The following PLEKHM3 variants were observed in gnomAD, a reference collection of about 807,000 sequenced individuals.
The protein encoded by PLEKHM3 is pleckstrin homology domain containing M3.
A neutral mutation model predicts 81.8 loss-of-function variants in PLEKHM3; 45 were observed. The ratio of observed to expected loss-of-function variants is 0.55; its 90% CI spans 0.43 to 0.71. The LOEUF (loss-of-function observed/expected upper bound fraction) is 0.71. Among genes scored for constraint, PLEKHM3 ranks in the 30% least tolerant of loss-of-function variants. PLEKHM3 has a pLI of 0.00. For missense variants in PLEKHM3, 788 were observed against 924.3 expected (o/e 0.85, Z 1.91); for synonymous variants, 352 against 356.4 (o/e 0.99, Z 0.14).
Position 208,001,433 on chromosome 2 carries a change from C to T in PLEKHM3, c.207G>A (p.Gly69=). The T allele has an allele frequency of 6.2e-7, 1 of 1,614,164 alleles. No individual in the cohort carries two copies. Among genetic ancestry groups the T allele is most frequent in the Non-Finnish European group, 8.5e-7 (1 of 1,180,026 alleles). Residue 69 remains glycine (G), a synonymous_variant, in exon 2 of 8, where the codon GGG becomes GGA. Transcript: ENST00000427836. Reference sequence around the variant, plus strand: ...TCTTACAGTGGTCCCAAATCATGCCCCCCTTGCCCAGGGAGGTGACATTTC... The same window carrying T: ...TCTTACAGTGGTCCCAAATCATGCCTCCCTTGCCCAGGGAGGTGACATTTC... ...AMRNVTSLGK[G]GMIWDHCKSR... is the part of the protein sequence containing the mutation.
At chr2:207,974,186 CATTAT>C (rs746944915) in intron 3 of PLEKHM3, among the ~76,000 whole-genome samples, 54 of 152,340 alleles carry the variant, frequency 3.5e-4, no homozygotes, top group Admixed American at 8.5e-4. Flanking sequence ...TATTCCTGCC[CATTAT>C]ATTATAATAA....
At chr2:207,889,112 C>T (rs1687971127) in intron 6 of PLEKHM3, among the ~76,000 whole-genome samples, 2 of 152,040 alleles carry the variant, frequency 1.3e-5, no homozygotes, top group Admixed American at 1.3e-4. Flanking sequence ...AAAAAGTATC[C>T]TAGAAATGTC....
chr2:207,958,739 G>A (rs1004813912), intron 3 of PLEKHM3, among the ~76,000 whole-genome samples: 4 of 151,702 alleles, frequency 2.6e-5, no homozygotes, highest in African/African-American at 7.3e-5. Flanking sequence ...ATGAAATCCC[G>A]TCTCTACTAA....
At chr2:207,838,943 T>C (rs2092334485) in intron 7 of PLEKHM3, among the ~76,000 whole-genome samples, 1 of 152,194 alleles carries the variant, frequency 6.6e-6, no homozygotes, top group Non-Finnish European at 1.5e-5. Context: ...GTGTTTAGAA[T>C]TATCTTGCTA....
At chr2:207,905,094 G>A (rs749633150) in intron 6 of PLEKHM3, among the ~76,000 whole-genome samples, 54 of 152,152 alleles carry the variant, frequency 3.5e-4, no homozygotes, top group Non-Finnish European at 6.6e-4. Context: ...ATTAACTTAA[G>A]AGAAATGTGT....
intron 3 of PLEKHM3, among the ~76,000 whole-genome samples, chr2:207,973,566 C>T (rs1691198041): frequency 6.6e-6 from 1 of 152,204 alleles, no homozygotes. Flanking sequence ...TGGAGAAACC[C>T]TCATCTCTAC....
At chr2:207,846,813 G>A (rs2105894023) in intron 7 of PLEKHM3, among the ~76,000 whole-genome samples, 1 of 151,980 alleles carries the variant, frequency 6.6e-6, no homozygotes, top group East Asian at 1.9e-4. Context: ...CTGATACAAT[G>A]TGATAAAAAA....
At chr2:207,941,941 C>A (rs1311519993) in intron 4 of PLEKHM3, among the ~76,000 whole-genome samples, 1 of 152,200 alleles carries the variant, frequency 6.6e-6, no homozygotes, top group South Asian at 2.1e-4. Context: ...GTTAAAATGG[C>A]TATTACTCAA....
intron 2 of PLEKHM3, among the ~76,000 whole-genome samples, chr2:208,000,466 T>C (rs570545728): frequency 6.6e-6 from 1 of 152,168 alleles, no homozygotes; most frequent in Non-Finnish European, 1.5e-5. Flanking sequence ...TTCACTCTTA[T>C]ATGGACAGAG....
intron 5 of PLEKHM3, among the ~76,000 whole-genome samples, chr2:207,924,896 A>C (rs1689336074): frequency 6.6e-6 from 1 of 151,932 alleles, no homozygotes. Context: ...GAAGGGGGAG[A>C]CTCGGACAGG....
At chr2:207,960,855 A>G (rs1338124966) in intron 3 of PLEKHM3, among the ~76,000 whole-genome samples, 2 of 152,252 alleles carry the variant, frequency 1.3e-5, no homozygotes, top group African/African-American at 2.4e-5. Context: ...TTATGAGGCC[A>G]TAAGACGACT....
intron 6 of PLEKHM3, among the ~76,000 whole-genome samples, chr2:207,870,565 T>A (rs2092528119): frequency 6.6e-6 from 1 of 152,220 alleles, no homozygotes; most frequent in Admixed American, 6.5e-5. Context: ...TCCCATATAG[T>A]TCAGTTGCAT....
intron 6 of PLEKHM3, among the ~76,000 whole-genome samples, chr2:207,863,501 T>C (rs1383907385): frequency 6.6e-6 from 1 of 152,258 alleles, no homozygotes. Context: ...CTGCCCACTC[T>C]AGGCTCACAG....
At chr2:207,936,075 T>G (rs1163679606) in intron 4 of PLEKHM3, among the ~76,000 whole-genome samples, 1 of 152,232 alleles carries the variant, frequency 6.6e-6, no homozygotes, top group Non-Finnish European at 1.5e-5. Context: ...TTCGAACTTC[T>G]GAGCTCAAGG....
At chr2:207,834,751 G>A (rs577261661) in intron 7 of PLEKHM3, among the ~76,000 whole-genome samples, 4 of 152,018 alleles carry the variant, frequency 2.6e-5, no homozygotes, top group Non-Finnish European at 2.9e-5. Flanking sequence ...CCTAAAAGCC[G>A]TCTTGGTGGT....
At chr2:207,914,096 T>C (rs1459938275) in intron 5 of PLEKHM3, among the ~76,000 whole-genome samples, 1 of 152,182 alleles carries the variant, frequency 6.6e-6, no homozygotes, top group Non-Finnish European at 1.5e-5. Context: ...CTCACACCTG[T>C]AATCCCAGCA....
At chr2:207,910,960 G>A (rs1688793022) in intron 5 of PLEKHM3, among the ~76,000 whole-genome samples, 1 of 152,206 alleles carries the variant, frequency 6.6e-6, no homozygotes, top group Admixed American at 6.5e-5. Flanking sequence ...TATAGAGCCT[G>A]GGGATGAGAA....
rs986884821 is a variant in PLEKHM3 at position 207,822,471 on chromosome 2, GCAAA to G, written c.*5844_*5847del. 3 of 152,738 alleles carry G rather than the reference GCAAA, an allele frequency of 2.0e-5. No individual in the cohort carries two copies. Among genetic ancestry groups the G allele is most frequent in the Non-Finnish European group, 2.9e-5 (2 of 68,064 alleles). 9.5% of individuals were successfully genotyped at this position (152,738 alleles called of 1,614,324 possible). On this transcript the variant is annotated 3_prime_UTR_variant, in exon 8 of 8. Transcript: ENST00000427836. ...ATTCCCCTGAGTTTGGTTAATGAAA[GCAAA>G]CAAACAAATAAACAAAAAGAGCGAT...
intron 6 of PLEKHM3, among the ~76,000 whole-genome samples, chr2:207,904,105 A>G (rs1270934545): frequency 1.3e-5 from 2 of 152,182 alleles, no homozygotes; most frequent in African/African-American, 4.8e-5. Flanking sequence ...GTTGCCTGCT[A>G]CTTCCTTTAT....
Sources: gnomAD v4.1 joint callset for allele counts (sites outside exome capture counted in the v4.1 genomes callset) on GRCh38, gnomAD v4.1.1 for gene constraint, MANE v1.5 for transcripts, NCBI Gene and HGNC (gene_info 2026-07-23, HGNC 2026-07-21) for gene names.